Variants in FUT9 observed in about 807,000 individuals in gnomAD.
The protein encoded by FUT9 is 4-galactosyl-N-acetylglucosaminide 3-alpha-L-fucosyltransferase 9.
Under a neutral mutation model 29.7 loss-of-function variants are expected in FUT9, and 15 were observed. The ratio of observed to expected loss-of-function variants is 0.51; its 90% CI spans 0.34 to 0.78. The LOEUF (loss-of-function observed/expected upper bound fraction) is 0.78. Ranked by LOEUF, FUT9 falls within the 30% of genes least tolerant of loss-of-function variation. The pLI is 0.01. For missense variants in FUT9, 319 were observed against 425.4 expected (o/e 0.75, Z 2.20); for synonymous variants, 169 against 153.7 (o/e 1.10, Z -0.74).
intron 1 of FUT9, among the ~76,000 whole-genome samples, chr6:96,027,147 A>T (rs2127924505): frequency 6.6e-6 from 1 of 151,792 alleles, no homozygotes; most frequent in South Asian, 2.1e-4. Flanking sequence ...AGACATCCTG[A>T]AACATTTCAA....
rs1401982497 is a variant in FUT9 at position 96,206,844 on chromosome 6, G to T, written c.*2609G>T. 6.0e-6 allele frequency: 1 copy of T among 167,004 alleles called. No individual in the cohort carries two copies. Among genetic ancestry groups the T allele is most frequent in the Non-Finnish European group, 1.5e-5 (1 of 68,110 alleles). 10.3% of individuals were successfully genotyped at this position (167,004 alleles called of 1,614,324 possible). ...TCAACCTGCCTTGGCTCTAGTGAAT[G>T]TTCATGATTTGAAAGAACTGAAAGA... On this transcript the variant is annotated 3_prime_UTR_variant, in exon 3 of 3. Coordinates refer to ENST00000302103, the MANE Select transcript of FUT9 (RefSeq NM_006581.4).
At chr6:96,135,611 C>A (rs982502228) in intron 2 of FUT9, among the ~76,000 whole-genome samples, 6 of 151,470 alleles carry the variant, frequency 4.0e-5, no homozygotes, top group African/African-American at 1.2e-4. Context: ...ACAGCAAATG[C>A]AAAACTGCCA....
intron 2 of FUT9, among the ~76,000 whole-genome samples, chr6:96,196,096 A>G (rs1773619571): frequency 6.6e-6 from 1 of 152,140 alleles, no homozygotes; most frequent in African/African-American, 2.4e-5. Context: ...CTGGAATATT[A>G]GGGGAAGAAG....
intron 2 of FUT9, among the ~76,000 whole-genome samples, chr6:96,114,758 G>T (rs1238048067): frequency 6.6e-6 from 1 of 152,116 alleles, no homozygotes; most frequent in Non-Finnish European, 1.5e-5. Flanking sequence ...GGGATACTGT[G>T]CTTTGTTTTT....
chr6:96,073,539 G>A (rs1771097502), intron 1 of FUT9, among the ~76,000 whole-genome samples: 1 of 152,166 alleles, frequency 6.6e-6, no homozygotes, highest in Non-Finnish European at 1.5e-5. Context: ...CAGTGAGTGT[G>A]TAGTATTCAA....
chr6:96,018,534 G>A (rs1268287654), intron 1 of FUT9, among the ~76,000 whole-genome samples: 2 of 152,016 alleles, frequency 1.3e-5, no homozygotes, highest in Non-Finnish European at 2.9e-5. Flanking sequence ...TAAATATAAT[G>A]TATGGGGAGG....
intron 1 of FUT9, among the ~76,000 whole-genome samples, chr6:96,099,344 C>G (rs539654857): frequency 6.6e-6 from 1 of 152,258 alleles, no homozygotes; most frequent in Admixed American, 6.5e-5. Flanking sequence ...CCTTCTTAAG[C>G]TAAAACTGTA....
intron 2 of FUT9, among the ~76,000 whole-genome samples, chr6:96,144,610 G>A (rs146500140): frequency 3.9e-5 from 6 of 152,280 alleles, no homozygotes; most frequent in South Asian, 4.1e-4. Flanking sequence ...ATGGATCTCC[G>A]TGATTTCAGC....
At chr6:96,195,666 G>C (rs1371692764) in intron 2 of FUT9, among the ~76,000 whole-genome samples, 1 of 152,132 alleles carries the variant, frequency 6.6e-6, no homozygotes, top group Admixed American at 6.6e-5. Context: ...ATATAATTTG[G>C]TGTATAATAG....
intron 1 of FUT9, among the ~76,000 whole-genome samples, chr6:96,109,435 A>G (rs1771756081): frequency 6.6e-6 from 1 of 152,166 alleles, no homozygotes; most frequent in African/African-American, 2.4e-5. Context: ...ATCTTTGGTG[A>G]ATTTTTCCCC....
chr6:96,113,573 G>A (rs1022697712), intron 1 of FUT9, among the ~76,000 whole-genome samples: 5 of 151,328 alleles, frequency 3.3e-5, no homozygotes, highest in East Asian at 2.0e-4. Flanking sequence ...AACAGAAATC[G>A]GGCTGGGTGC....
At chr6:96,022,087 A>G (rs1770079358) in intron 1 of FUT9, among the ~76,000 whole-genome samples, 1 of 152,036 alleles carries the variant, frequency 6.6e-6, no homozygotes, top group Admixed American at 6.6e-5. Context: ...CATGGGTAAT[A>G]TGATTAGAGA....
At chr6:96,115,352 C>T (rs1771890771) in intron 2 of FUT9, among the ~76,000 whole-genome samples, 1 of 151,950 alleles carries the variant, frequency 6.6e-6, no homozygotes, top group Non-Finnish European at 1.5e-5. Flanking sequence ...TTCTTTTTTT[C>T]TCACTAAGTC....
At chr6:96,072,037 A>G (rs1170929723) in intron 1 of FUT9, among the ~76,000 whole-genome samples, 1 of 152,232 alleles carries the variant, frequency 6.6e-6, no homozygotes, top group East Asian at 1.9e-4. Flanking sequence ...TTCATGAAAT[A>G]CATTCTATAG....
intron 1 of FUT9, among the ~76,000 whole-genome samples, chr6:96,080,586 A>T (rs1420158138): frequency 1.3e-5 from 2 of 152,056 alleles, no homozygotes; most frequent in African/African-American, 2.4e-5. Flanking sequence ...AAATGTTCCA[A>T]TGATGATTAA....
chr6:96,078,407 TC>T (rs1771176434), intron 1 of FUT9, among the ~76,000 whole-genome samples: 2 of 117,082 alleles, frequency 1.7e-5, no homozygotes, highest in Non-Finnish European at 3.6e-5. Flanking sequence ...ATATTAGTCT[TC>T]TTTTTTTTTT....
chr6:96,094,951 C>T (rs776912562), intron 1 of FUT9, among the ~76,000 whole-genome samples: 1 of 152,082 alleles, frequency 6.6e-6, no homozygotes, highest in South Asian at 2.1e-4. Context: ...ATCTCCTGAG[C>T]AGTGTACACG....
intron 1 of FUT9, among the ~76,000 whole-genome samples, chr6:96,098,886 T>C (rs1401141891): frequency 6.6e-6 from 1 of 152,144 alleles, no homozygotes; most frequent in African/African-American, 2.4e-5. Context: ...TACTGTAACT[T>C]TTCCCTGAGA....
intron 2 of FUT9, among the ~76,000 whole-genome samples, chr6:96,195,195 G>A (rs1246338106): frequency 6.6e-6 from 1 of 152,052 alleles, no homozygotes; most frequent in African/African-American, 2.4e-5. Flanking sequence ...GAAGGAAGAA[G>A]AAAGAATTTT....
Sources: allele counts gnomAD v4.1 joint callset (sites outside exome capture counted in the v4.1 genomes callset), GRCh38; gene constraint gnomAD v4.1.1; transcripts MANE v1.5; gene names NCBI Gene and HGNC (gene_info 2026-07-23, HGNC 2026-07-21).